Variants in MTUS2 observed in about 807,000 individuals in gnomAD.
MTUS2 encodes the protein microtubule associated scaffold protein 2.
A neutral mutation model predicts 114.1 loss-of-function variants in MTUS2; 40 were observed. The ratio of observed to expected loss-of-function variants is 0.35; its 90% CI spans 0.27 to 0.46. The LOEUF is 0.46. MTUS2 is among the 20% of genes least tolerant of loss of function. The pLI, the probability that MTUS2 is intolerant of heterozygous loss-of-function variation, is 1.00. For missense variants in MTUS2, 1,679 were observed against 1,705.4 expected, an observed-to-expected ratio of 0.98 and a Z score of 0.27; for synonymous variants, 688 against 672.0, an observed-to-expected ratio of 1.02 and a Z score of -0.37.
chr13:29,389,299 A>G (rs1204948355), intron 8 of MTUS2, among the ~76,000 whole-genome samples: 3 of 138,660 alleles, frequency 2.2e-5, no homozygotes, highest in African/African-American at 9.8e-5. Context: ...ATATGTGTGT[A>G]TATGTGTATA....
intron 5 of MTUS2, among the ~76,000 whole-genome samples, chr13:29,241,087 AAATACATACTGCCCT>A (rs1404354404): frequency 1.3e-5 from 2 of 152,200 alleles, no homozygotes; most frequent in African/African-American, 2.4e-5. Context: ...AATATGTATC[AAATACATACTGCCCT>A]AATGTGAAAT....
chr13:28,826,162 T>C (rs1874255040), intron 1 of MTUS2, among the ~76,000 whole-genome samples: 1 of 152,210 alleles, frequency 6.6e-6, no homozygotes. Context: ...CAAGCACTTT[T>C]CAAGCTCTTA....
intron 5 of MTUS2, among the ~76,000 whole-genome samples, chr13:29,105,796 G>A (rs769959322): frequency 8.7e-6 from 1 of 114,298 alleles, no homozygotes; most frequent in Admixed American, 8.9e-5. Context: ...GTGTCATGAA[G>A]TGGAGGGTTA....
intron 11 of MTUS2, chr13:29,490,051 G>A (rs1230464304): frequency 1.3e-5 from 2 of 152,160 alleles, no homozygotes; most frequent in African/African-American, 4.8e-5. Context: ...AATTATAAAT[G>A]ATGTCAAGGC....
intron 8 of MTUS2, among the ~76,000 whole-genome samples, chr13:29,369,307 C>T (rs1476100514): frequency 6.6e-6 from 1 of 152,106 alleles, no homozygotes; most frequent in Non-Finnish European, 1.5e-5. Flanking sequence ...GGCAATGGCA[C>T]CATCTACAGG....
chr13:29,071,832 A>G (rs552233365), intron 4 of MTUS2, among the ~76,000 whole-genome samples: 116 of 152,140 alleles, frequency 7.6e-4, no homozygotes, highest in African/African-American at 2.7e-3. Flanking sequence ...AATTTGTTCA[A>G]ATTCTTCAGA....
intron 8 of MTUS2, among the ~76,000 whole-genome samples, chr13:29,372,222 TCTATTGA>T (rs765242403): frequency 2.6e-5 from 4 of 151,820 alleles, no homozygotes; most frequent in Non-Finnish European, 5.9e-5. Flanking sequence ...GCTTTGGTAT[TCTATTGA>T]CAAAGACGTG....
chr13:28,901,793 T>A (rs1879661136), intron 2 of MTUS2, among the ~76,000 whole-genome samples: 1 of 152,172 alleles, frequency 6.6e-6, no homozygotes, highest in South Asian at 2.1e-4. Flanking sequence ...ATAGAGTAGT[T>A]CTTCCTATTG....
chr13:29,232,294 A>ACG (rs752802188), intron 5 of MTUS2, among the ~76,000 whole-genome samples: 2 of 24,078 alleles, frequency 8.3e-5, no homozygotes, highest in African/African-American at 1.8e-4. Flanking sequence ...ACACACACAC[A>ACG]CACGCGCGCG....
At chr13:29,200,027 T>G (rs1242085124) in intron 5 of MTUS2, among the ~76,000 whole-genome samples, 1 of 152,208 alleles carries the variant, frequency 6.6e-6, no homozygotes, top group African/African-American at 2.4e-5. Context: ...GTGGGATCAG[T>G]GGTGATATCT....
chr13:29,254,528 G>A (rs555832488), intron 5 of MTUS2, among the ~76,000 whole-genome samples: 27 of 152,244 alleles, frequency 1.8e-4, no homozygotes, highest in East Asian at 3.8e-4. Context: ...CCACGTGGCC[G>A]TGTTGCTGTT....
intron 1 of MTUS2, among the ~76,000 whole-genome samples, chr13:28,838,693 C>G (rs983644124): frequency 6.6e-6 from 1 of 152,154 alleles, no homozygotes; most frequent in Admixed American, 6.5e-5. Flanking sequence ...GTCTTCCAGC[C>G]CTCAGCTTTT....
At chr13:29,227,969 G>GT (rs1452602206) in intron 5 of MTUS2, among the ~76,000 whole-genome samples, 1 of 152,108 alleles carries the variant, frequency 6.6e-6, no homozygotes, top group Non-Finnish European at 1.5e-5. Flanking sequence ...GAATTATAGT[G>GT]TTTTTTCTTA....
chr13:29,256,048 C>T (rs138992190), intron 5 of MTUS2, among the ~76,000 whole-genome samples: 22 of 152,298 alleles, frequency 1.4e-4, no homozygotes, highest in African/African-American at 4.6e-4. Flanking sequence ...GACAGGCATC[C>T]GTACTCTGGT....
chr13:29,019,186 C>T (rs190434179), intron 2 of MTUS2, among the ~76,000 whole-genome samples: 3 of 152,154 alleles, frequency 2.0e-5, no homozygotes, highest in South Asian at 2.1e-4. Flanking sequence ...ATGATGCTCT[C>T]GTGGACAAGA....
At chr13:29,172,219 C>A (rs189013942) in intron 5 of MTUS2, among the ~76,000 whole-genome samples, 13 of 152,362 alleles carry the variant, frequency 8.5e-5, no homozygotes, top group Admixed American at 5.2e-4. Context: ...CTTCAGTTTA[C>A]TGAGCCTCAA....
chr13:29,029,878 G>A (rs1886736174), intron 3 of MTUS2, among the ~76,000 whole-genome samples: 1 of 152,146 alleles, frequency 6.6e-6, no homozygotes, highest in Non-Finnish European at 1.5e-5. Context: ...CATTCATGAG[G>A]CATCTGCCCC....
At chr13:29,492,743 ACC>A (rs752503275) in intron 12 of MTUS2, 24 bp downstream of exon 12, 128 of 1,573,124 alleles carry the variant, frequency 8.1e-5, no homozygotes, top group Non-Finnish European at 1.7e-6. Flanking sequence ...TAATTTTCTT[ACC>A]TGGTATCGAG....
At chr13:29,322,847 T>A (rs1026565219) in intron 6 of MTUS2, among the ~76,000 whole-genome samples, 1 of 152,146 alleles carries the variant, frequency 6.6e-6, no homozygotes, top group African/African-American at 2.4e-5. Flanking sequence ...GCAGGGACAG[T>A]GACAGCAGTA....
Sources: gnomAD v4.1 joint callset for allele counts (sites outside exome capture counted in the v4.1 genomes callset) on GRCh38, gnomAD v4.1.1 for gene constraint, MANE v1.5 for transcripts, NCBI Gene and HGNC (gene_info 2026-07-23, HGNC 2026-07-21) for gene names.